Variants in ABCC1 observed in about 807,000 individuals in gnomAD.
ABCC1 encodes the protein multidrug resistance-associated protein 1.
ABCC1 carries 83 observed loss-of-function variants against 172.9 expected under a neutral mutation model. The observed-to-expected ratio is 0.48, with a 90% CI of 0.40 to 0.58. The LOEUF is 0.58. Among genes scored for constraint, ABCC1 ranks in the 20% least tolerant of loss-of-function variants. The probability of loss-of-function intolerance (pLI) is 0.00; values close to 1 mark genes in which losing one functional copy is unlikely to be tolerated. For synonymous variants in ABCC1, 937 were observed against 825.2 expected, an observed-to-expected ratio of 1.14 and a Z score of -2.32; for missense variants, 1,817 against 2,002.7, an observed-to-expected ratio of 0.91 and a Z score of 1.77.
intron 19 of ABCC1, among the ~76,000 whole-genome samples, chr16:16,096,288 C>A (rs2051477929): frequency 6.6e-6 from 1 of 151,930 alleles, no homozygotes; most frequent in Non-Finnish European, 1.5e-5. Context: ...GCCCTCACTG[C>A]CCAGAAGGGG....
chr16:16,024,118 C>T (rs1436893250), intron 5 of ABCC1, among the ~76,000 whole-genome samples: 1 of 152,142 alleles, frequency 6.6e-6, no homozygotes, highest in Non-Finnish European at 1.5e-5. Flanking sequence ...ACTCGGGAGG[C>T]TCAGGCAGGA....
At chr16:16,111,969 T>C (rs1462832821) in intron 22 of ABCC1, among the ~76,000 whole-genome samples, 2 of 152,164 alleles carry the variant, frequency 1.3e-5, no homozygotes, top group East Asian at 3.8e-4. Flanking sequence ...GAAATTGGCT[T>C]ATACTAGTAA....
At chr16:16,008,971 C>T (rs1220986496) in intron 2 of ABCC1, among the ~76,000 whole-genome samples, 2 of 131,362 alleles carry the variant, frequency 1.5e-5, no homozygotes, top group Admixed American at 8.1e-5. Flanking sequence ...TTTTTTTTGA[C>T]ACAAGGTGTT....
chr16:16,056,151 G>A lies in ABCC1; in HGVS notation c.1533G>A (p.Gly511=). 3.1e-6 allele frequency: 5 copies of A among 1,614,120 alleles called. No homozygotes were observed. The highest frequency in any genetic ancestry group is 4.2e-6 in the Non-Finnish European group (5 of 1,180,024). Residue 511 remains glycine, a synonymous_variant, in exon 12 of 31, where the codon GGG becomes GGA. Transcript: ENST00000399410. ...RIKLMNEILN[G]IKVLKLYAWE... The stretch of plus-strand genomic sequence containing the variant: ...AGCTGATGAACGAAATTCTCAATGG[G>A]ATCAAAGTGCTAAAGCTTTATGCCT...
chr16:16,006,516 T>C (rs974741039), intron 1 of ABCC1, among the ~76,000 whole-genome samples: 3 of 151,874 alleles, frequency 2.0e-5, no homozygotes, highest in Admixed American at 6.6e-5. Context: ...TATTTATGTA[T>C]GTATCTATGA....
Position 16,114,974 on chromosome 16 carries a change from C to T in ABCC1, c.3288C>T (p.Gly1096=), listed in dbSNP as rs1365712279. The change falls in exon 23 of 31, where the codon GGC becomes GGT. Residue 1096 remains glycine, a synonymous_variant. Transcript: ENST00000399410. ...MIPEVIKMFM[G]SLFNVIGACI... ...CGGAGGTCATCAAGATGTTCATGGGCTCCCTGTTCAACGTCATTGGTGCCT... is the reference window on the plus strand; with the variant it reads ...CGGAGGTCATCAAGATGTTCATGGGTTCCCTGTTCAACGTCATTGGTGCCT... 3.1e-6 allele frequency: 5 copies of T among 1,614,204 alleles called. No individual in the cohort carries two copies. The highest frequency in any genetic ancestry group is 4.2e-6 in the Non-Finnish European group (5 of 1,180,042).
At chr16:16,008,093 C>T (rs1043294030) in intron 2 of ABCC1, 101 bp downstream of exon 2, 4 of 1,216,638 alleles carry the variant, frequency 3.3e-6, no homozygotes, top group Non-Finnish European at 3.4e-6. Flanking sequence ...TTAGTTGACC[C>T]TAAGTTCCTT....
intron 14 of ABCC1, 54 bp downstream of exon 14, chr16:16,071,783 C>T (rs1050611854): frequency 1.4e-6 from 2 of 1,474,962 alleles, no homozygotes; most frequent in South Asian, 2.4e-5. Flanking sequence ...CCATCTCCCA[C>T]TGGGTCCTCC....
At chr16:16,104,398 C>T (rs540711921) in intron 20 of ABCC1, among the ~76,000 whole-genome samples, 3 of 152,110 alleles carry the variant, frequency 2.0e-5, no homozygotes, top group Non-Finnish European at 2.9e-5. Flanking sequence ...GAGCTAGATA[C>T]GTAAGTTCCC....
intron 18 of ABCC1, among the ~76,000 whole-genome samples, chr16:16,088,182 G>A (rs775037890): frequency 1.3e-5 from 2 of 151,366 alleles, no homozygotes; most frequent in South Asian, 2.1e-4. Flanking sequence ...AGCTGGGCAC[G>A]GTGAGTAATC....
chr16:16,011,903 A>G (rs942555981), intron 3 of ABCC1, among the ~76,000 whole-genome samples: 1 of 152,082 alleles, frequency 6.6e-6, no homozygotes, highest in African/African-American at 2.4e-5. Context: ...TCCGGACCTC[A>G]GGTGATCCAC....
chr16:16,137,959 A>G (rs1380972121), intron 29 of ABCC1, among the ~76,000 whole-genome samples: 2 of 151,846 alleles, frequency 1.3e-5, no homozygotes, highest in African/African-American at 2.4e-5. Flanking sequence ...GACTCAAGCA[A>G]TCCTGCCTCA....
In ABCC1 at chr16:16,000,326, A is replaced by G. The variant is rs185222210; in HGVS notation, c.49-7490A>G. On this transcript the variant is annotated intron_variant, in intron 1 of 30. Transcript: ENST00000399410. ...ATGCCTGGCTAATTTTTGTGTTTCT[A>G]GTAGAGACGGGTTTCACCATGTTGT... Among the ~76,000 whole-genome samples, 537 of 151,520 alleles carry G rather than the reference A, an allele frequency of 3.5e-3. 4 individuals are homozygous for G. Among genetic ancestry groups the G allele is most frequent in the South Asian group, 6.9e-3 (33 of 4,778 alleles).
intron 1 of ABCC1, among the ~76,000 whole-genome samples, chr16:15,974,205 G>A (rs1387593878): frequency 1.3e-5 from 2 of 152,174 alleles, no homozygotes; most frequent in Non-Finnish European, 2.9e-5. Context: ...GGAAAGGGCT[G>A]TGCTTTGGCA....
At position 16,139,125 on chromosome 16, in the gene ABCC1, C is replaced by T. The variant is rs558008540; in HGVS notation, c.4487+567C>T. On this transcript the variant is annotated intron_variant, in intron 30 of 30. Coordinates refer to ENST00000399410, the MANE Select transcript of ABCC1 (RefSeq NM_004996.4). ...CAGACAAAGTCCCTGCCTCCAGGAC[C>T]AAGTAGCTTATTAGATGGAGGAGAC... Among the ~76,000 whole-genome samples, 24 of 152,140 alleles carry T rather than the reference C, an allele frequency of 1.6e-4. 1 individual carries two copies. The highest frequency in any genetic ancestry group is 3.2e-4 in the Non-Finnish European group (22 of 68,020).
intron 14 of ABCC1, among the ~76,000 whole-genome samples, chr16:16,075,702 C>T (rs578057478): frequency 3.3e-5 from 5 of 152,282 alleles, no homozygotes; most frequent in South Asian, 2.1e-4. Flanking sequence ...CCTGTGCCCT[C>T]GTACCACACT....
At chr16:16,004,829 GT>G (rs2047463388) in intron 1 of ABCC1, among the ~76,000 whole-genome samples, 1 of 148,004 alleles carries the variant, frequency 6.8e-6, no homozygotes, top group South Asian at 2.2e-4. Context: ...TAATTTTTAT[GT>G]TTTTAGTAAA....
Position 16,131,890 on chromosome 16 carries a change from C to T in ABCC1, c.3921C>T (p.Asp1307=), listed in dbSNP as rs555635073. Residue 1307 remains aspartate (D), a synonymous_variant, in exon 27 of 31, where the codon GAC becomes GAT. Transcript: ENST00000399410. ...GCCTGCGCTACCGAGAGGACCTGGA[C>T]TTCGTTCTCAGGCACATCAATGTCA... The part of the protein sequence containing the change: ...NYCLRYREDL[D]FVLRHINVTI... 1.1e-5 allele frequency: 17 copies of T among 1,614,166 alleles called. 1 individual carries two copies. Among genetic ancestry groups the T allele is most frequent in the Non-Finnish European group, 1.4e-5 (16 of 1,180,018 alleles).
chr16:16,109,471 C>T (rs184457197), intron 21 of ABCC1, among the ~76,000 whole-genome samples: 169 of 152,276 alleles, frequency 1.1e-3, no homozygotes, highest in African/African-American at 4.0e-3. Flanking sequence ...GCCACCGCAC[C>T]CAGTCCAGAT....
Sources: allele counts gnomAD v4.1 joint callset (sites outside exome capture counted in the v4.1 genomes callset), GRCh38; gene constraint gnomAD v4.1.1; transcripts MANE v1.5; gene names NCBI Gene and HGNC (gene_info 2026-07-23, HGNC 2026-07-21).